Variants in SAMD4A observed in about 807,000 individuals in gnomAD.
SAMD4A encodes sterile alpha motif domain containing 4A, also known as protein Smaug homolog 1.
A neutral mutation model predicts 81.3 loss-of-function variants in SAMD4A; 33 were observed. The ratio of observed to expected loss-of-function variants is 0.41; its 90% confidence interval spans 0.31 to 0.54. The LOEUF (loss-of-function observed/expected upper bound fraction) is 0.54. Ranked by LOEUF, SAMD4A falls within the 20% of genes least tolerant of loss-of-function variation. SAMD4A has a pLI of 0.37. For synonymous variants in SAMD4A, 389 were observed against 382.1 expected, an observed-to-expected ratio of 1.02 and a Z score of -0.21; for missense variants, 854 against 951.1, an observed-to-expected ratio of 0.90 and a Z score of 1.34.
chr14:54,754,913 T>G (rs2038199060), intron 6 of SAMD4A: 1 of 920,958 alleles, frequency 1.1e-6, no homozygotes, highest in South Asian at 5.0e-5. Context: ...TCATACATGG[T>G]TCCTGCAATG....
At chr14:54,593,733 A>T (rs1329045953) in intron 2 of SAMD4A, among the ~76,000 whole-genome samples, 2 of 152,180 alleles carry the variant, frequency 1.3e-5, no homozygotes, top group Non-Finnish European at 2.9e-5. Context: ...CCTCAAGCTG[A>T]TTTAAATGTA....
intron 2 of SAMD4A, among the ~76,000 whole-genome samples, chr14:54,586,984 G>T (rs939354478): frequency 3.9e-5 from 6 of 151,980 alleles, no homozygotes; most frequent in Non-Finnish European, 7.4e-5. Flanking sequence ...GTATTTTGAT[G>T]GGAATTGCAT....
intron 7 of SAMD4A, among the ~76,000 whole-genome samples, chr14:54,761,709 C>T (rs2038403263): frequency 1.3e-5 from 2 of 152,212 alleles, no homozygotes; most frequent in Non-Finnish European, 2.9e-5. Flanking sequence ...ACAGCCTTGC[C>T]TATAACACTC....
chr14:54,788,636 G>A (rs894482115), intron 12 of SAMD4A, among the ~76,000 whole-genome samples: 1 of 152,216 alleles, frequency 6.6e-6, no homozygotes, highest in African/African-American at 2.4e-5. Context: ...TAGCATTATT[G>A]TCTGTCTACA....
chr14:54,565,478 A>C (rs1449414709), upstream of SAMD4A, among the ~76,000 whole-genome samples: 1 of 152,154 alleles, frequency 6.6e-6, no homozygotes, highest in Non-Finnish European at 1.5e-5. The surrounding 1 kb of genome is among the most constrained non-coding windows in gnomAD (Gnocchi z 5.4). Context: ...AGGCCCTTGG[A>C]CTAGGGCGGC....
intron 2 of SAMD4A, among the ~76,000 whole-genome samples, chr14:54,640,132 C>T (rs1042991318): frequency 1.8e-4 from 28 of 152,128 alleles, no homozygotes; most frequent in Non-Finnish European, 3.1e-4. Flanking sequence ...TGTTGGCCCT[C>T]CCCCGAAGAA....
intron 2 of SAMD4A, among the ~76,000 whole-genome samples, chr14:54,676,158 T>C (rs1012230244): frequency 6.6e-6 from 1 of 152,172 alleles, no homozygotes; most frequent in Non-Finnish European, 1.5e-5. Context: ...AGCAGCTCCA[T>C]GTTCGATCTG....
At chr14:54,657,449 TATTTTTTTTG>T (rs936343535) in intron 2 of SAMD4A, among the ~76,000 whole-genome samples, 1 of 152,216 alleles carries the variant, frequency 6.6e-6, no homozygotes, top group Non-Finnish European at 1.5e-5. Context: ...GCTGTTTACT[TATTTTTTTTG>T]TTCATCGCCA....
chr14:54,627,455 C>A (rs918318063), intron 2 of SAMD4A, among the ~76,000 whole-genome samples: 10 of 152,212 alleles, frequency 6.6e-5, no homozygotes, highest in African/African-American at 2.4e-4. Flanking sequence ...ATATCTAGCA[C>A]ACAGACAGTC....
chr14:54,661,031 A>G (rs1474039137), intron 2 of SAMD4A, among the ~76,000 whole-genome samples: 2 of 152,198 alleles, frequency 1.3e-5, no homozygotes, highest in Non-Finnish European at 2.9e-5. Flanking sequence ...TGTGAACATA[A>G]TAGAGTGAAA....
chr14:54,637,548 T>G (rs2035066340), intron 2 of SAMD4A, among the ~76,000 whole-genome samples: 3 of 151,526 alleles, frequency 2.0e-5, no homozygotes, highest in Admixed American at 6.6e-5. Context: ...GCAAGAAGAG[T>G]CCGACCTCTT....
chr14:54,686,732 A>G (rs1352794875), intron 2 of SAMD4A, among the ~76,000 whole-genome samples: 1 of 152,192 alleles, frequency 6.6e-6, no homozygotes, highest in East Asian at 1.9e-4. Context: ...TAGTGTTATT[A>G]CAGGTCATTG....
chr14:54,714,318 C>G (rs1451824237), intron 3 of SAMD4A, among the ~76,000 whole-genome samples: 1 of 152,188 alleles, frequency 6.6e-6, no homozygotes, highest in Non-Finnish European at 1.5e-5. Context: ...ATAGTTTTCT[C>G]ACTCACACTG....
intron 3 of SAMD4A, among the ~76,000 whole-genome samples, chr14:54,712,578 A>G (rs1166833206): frequency 6.6e-6 from 1 of 152,132 alleles, no homozygotes; most frequent in Non-Finnish European, 1.5e-5. Context: ...TCCTGTTTCC[A>G]AGAGTCCAGG....
rs552217375 is a variant in SAMD4A at position 54,674,558 on chromosome 14, GTTT to G, written c.197-27503_197-27501del. ...TACTGGTGTGGTTTCTACTGGTGTG[GTTT>G]CTACCATGCAGGCGTTTAGTCTCTG... On this transcript the variant is annotated intron_variant, in intron 2 of 12. Coordinates refer to ENST00000554335, the MANE Select transcript of SAMD4A (RefSeq NM_015589.6). 6.0e-5 allele frequency among the ~76,000 whole-genome samples: 9 copies of G among 151,136 alleles called. No individual in the cohort carries two copies. In the South Asian group the frequency reaches 1.9e-3, roughly 32 times the overall value.
intron 2 of SAMD4A, chr14:54,694,615 G>C (rs141573293): frequency 2.0e-6 from 2 of 985,636 alleles, no homozygotes; most frequent in African/African-American, 3.5e-5. Context: ...GGAGTTGTCT[G>C]CATACTCATG....
chr14:54,695,157 C>A (rs1313341428), intron 2 of SAMD4A, among the ~76,000 whole-genome samples: 2 of 152,222 alleles, frequency 1.3e-5, no homozygotes, highest in African/African-American at 4.8e-5. Flanking sequence ...CAAAAGCTCT[C>A]TGTATTCATT....
chr14:54,686,249 T>C (rs1594810236), intron 2 of SAMD4A, among the ~76,000 whole-genome samples: 1 of 152,062 alleles, frequency 6.6e-6, no homozygotes. Flanking sequence ...TCAGCTGAGG[T>C]GGGGATGCCC....
intron 2 of SAMD4A, among the ~76,000 whole-genome samples, chr14:54,649,916 A>C (rs1404361750): frequency 6.6e-6 from 1 of 152,064 alleles, no homozygotes; most frequent in East Asian, 1.9e-4. Flanking sequence ...TCTTGGGTTT[A>C]TTTGGCATTT....
Sources: allele counts gnomAD v4.1 joint callset (sites outside exome capture counted in the v4.1 genomes callset), GRCh38; gene constraint gnomAD v4.1.1; non-coding constraint Gnocchi (gnomAD v3.1); transcripts MANE v1.5; gene names NCBI Gene and HGNC (gene_info 2026-07-23, HGNC 2026-07-21).